Variants in SLC9D1 observed in about 807,000 individuals in gnomAD.
The protein encoded by SLC9D1 is solute carrier family 9 member D1.
the SLC9D1 span, among the ~76,000 whole-genome samples, chr13:113,543,221 T>G: frequency 4.2e-5 from 1 of 23,676 alleles, no homozygotes; most frequent in Non-Finnish European, 6.7e-5. Context: ...CGTGACCACC[T>G]CCTCCCCCTG....
At chr13:113,547,511 A>G in the SLC9D1 span, 1 of 683,732 alleles carries the variant, frequency 1.5e-6, no homozygotes, top group Admixed American at 2.6e-5. Context: ...GAGGAGGCCC[A>G]CTGGGCCACT....
chr13:113,512,434 T>A, the SLC9D1 span, among the ~76,000 whole-genome samples: 1 of 145,038 alleles, frequency 6.9e-6, no homozygotes, highest in African/African-American at 2.6e-5. Flanking sequence ...AGAGGGTCAG[T>A]ATATATAGAC....
chr13:113,505,557 T>C, the SLC9D1 span: 28,140 of 151,844 alleles, frequency 0.19, 3,437 homozygotes, highest in African/African-American at 0.35. Context: ...GAAAGCTAAA[T>C]GTGGGGAAAA....
the SLC9D1 span, among the ~76,000 whole-genome samples, chr13:113,519,856 G>C: frequency 6.6e-6 from 1 of 152,134 alleles, no homozygotes; most frequent in African/African-American, 2.4e-5. Context: ...GAGAAGGCTC[G>C]TTCTGTGCAG....
the SLC9D1 span, among the ~76,000 whole-genome samples, chr13:113,541,345 G>A: frequency 6.7e-6 from 1 of 148,300 alleles, no homozygotes; most frequent in African/African-American, 2.6e-5. Flanking sequence ...CCATGCACAC[G>A]ATTGCTGATC....
the SLC9D1 span, among the ~76,000 whole-genome samples, chr13:113,508,445 G>A: frequency 9.8e-5 from 15 of 152,330 alleles, no homozygotes; most frequent in South Asian, 4.1e-4. Flanking sequence ...CGTGATATTC[G>A]GAAGAGGAAG....
At chr13:113,493,436 C>G in the SLC9D1 span, among the ~76,000 whole-genome samples, 1 of 152,028 alleles carries the variant, frequency 6.6e-6, no homozygotes, top group Non-Finnish European at 1.5e-5. Flanking sequence ...TATTTAGCTC[C>G]GTTGGACCAA....
At chr13:113,491,713 C>A in the SLC9D1 span, among the ~76,000 whole-genome samples, 1 of 152,200 alleles carries the variant, frequency 6.6e-6, no homozygotes, top group South Asian at 2.1e-4. Context: ...CCTGGCCGCC[C>A]GGGTGGACTC....
the SLC9D1 span, chr13:113,549,438 T>C: frequency 5.0e-6 from 8 of 1,613,868 alleles, no homozygotes; most frequent in African/African-American, 9.3e-5. Context: ...TACCTCCTTA[T>C]ACTGAGTGTG....
the SLC9D1 span, chr13:113,530,486 G>C: frequency 6.6e-6 from 1 of 152,142 alleles, no homozygotes; most frequent in Non-Finnish European, 1.5e-5. Context: ...TTTTCTACTA[G>C]TAGACTGGTA....
At chr13:113,537,400 C>T in the SLC9D1 span, among the ~76,000 whole-genome samples, 5 of 152,354 alleles carry the variant, frequency 3.3e-5, no homozygotes, top group East Asian at 1.9e-4. Flanking sequence ...TGTCGCGTGG[C>T]GGCTTCCGTG....
chr13:113,549,012 G>A, the SLC9D1 span, among the ~76,000 whole-genome samples: 4 of 152,164 alleles, frequency 2.6e-5, no homozygotes, highest in African/African-American at 9.7e-5. Flanking sequence ...GAAGCTGTGG[G>A]GCAGGCTGGC....
the SLC9D1 span, chr13:113,539,577 C>G: frequency 6.8e-7 from 1 of 1,473,810 alleles, no homozygotes; most frequent in Non-Finnish European, 9.3e-7. The surrounding 1 kb of genome is among the most constrained non-coding windows in gnomAD (Gnocchi z 4.8). Flanking sequence ...AATATGTTTA[C>G]GTGCATATAT....
chr13:113,520,646 G>T, the SLC9D1 span: 2 of 1,613,852 alleles, frequency 1.2e-6, no homozygotes, highest in Non-Finnish European at 1.7e-6. Context: ...GTGCTCCTCG[G>T]CATGCTGGTG....
the SLC9D1 span, among the ~76,000 whole-genome samples, chr13:113,514,129 A>T: frequency 6.6e-6 from 1 of 152,252 alleles, no homozygotes; most frequent in Non-Finnish European, 1.5e-5. Flanking sequence ...AAAATGCAGA[A>T]TTCAAAAGAG....
At chr13:113,537,813 C>G in the SLC9D1 span, among the ~76,000 whole-genome samples, 1 of 152,156 alleles carries the variant, frequency 6.6e-6, no homozygotes, top group Non-Finnish European at 1.5e-5. Flanking sequence ...CATTCACATG[C>G]GTTTCTGAAT....
chr13:113,548,573 A>AC, the SLC9D1 span: 3 of 1,104,996 alleles, frequency 2.7e-6, no homozygotes, highest in East Asian at 5.0e-5. Flanking sequence ...GTCCTCCTCC[A>AC]GGGGGGCACG....
the SLC9D1 span, among the ~76,000 whole-genome samples, chr13:113,519,742 A>G: frequency 6.7e-6 from 1 of 148,760 alleles, no homozygotes; most frequent in Non-Finnish European, 1.5e-5. Flanking sequence ...CGTCTGCACC[A>G]TTTGGACACC....
chr13:113,514,700 G>A, the SLC9D1 span, among the ~76,000 whole-genome samples: 5 of 151,436 alleles, frequency 3.3e-5, no homozygotes, highest in Non-Finnish European at 7.4e-5. Context: ...GACTGAGATC[G>A]ACGCCATCCA....
Sources: gnomAD v4.1 joint callset for allele counts (sites outside exome capture counted in the v4.1 genomes callset) on GRCh38, gnomAD v4.1.1 for gene constraint, Gnocchi (gnomAD v3.1) non-coding constraint, MANE v1.5 for transcripts, NCBI Gene and HGNC (gene_info 2026-07-23, HGNC 2026-07-21) for gene names.